The following RBFOX1 variants were observed in gnomAD, a reference collection of about 807,000 sequenced individuals.
The protein encoded by RBFOX1 is RNA binding fox-1 homolog 1.
Under a neutral mutation model 57.7 loss-of-function variants are expected in RBFOX1, and 8 were observed. The observed-to-expected ratio is 0.14, with a 90% CI of 0.08 to 0.25. RBFOX1 has a LOEUF of 0.25. RBFOX1 is among the 10% of genes least tolerant of loss of function. The pLI is 1.00. For synonymous variants in RBFOX1, 326 were observed against 222.4 expected, an observed-to-expected ratio of 1.47 and a Z score of -4.15; for missense variants, 611 against 548.5, an observed-to-expected ratio of 1.11 and a Z score of -1.14.
intron 1 of RBFOX1, among the ~76,000 whole-genome samples, chr16:5,308,223 C>T (rs2151214504): frequency 6.6e-6 from 1 of 152,052 alleles, no homozygotes; most frequent in South Asian, 2.1e-4. Flanking sequence ...CGCCTGTAAT[C>T]CCAGCTACTC....
chr16:6,279,052 G>A (rs1456218936), intron 1 of RBFOX1, among the ~76,000 whole-genome samples: 2 of 152,050 alleles, frequency 1.3e-5, no homozygotes, highest in Non-Finnish European at 2.9e-5. Context: ...GTGAGGTGGT[G>A]ATAAATCATT....
intron 1 of RBFOX1, among the ~76,000 whole-genome samples, chr16:6,088,331 G>A (rs1049171390): frequency 2.6e-5 from 4 of 152,090 alleles, no homozygotes; most frequent in Admixed American, 2.6e-4. Flanking sequence ...TTGTCACACA[G>A]TGTTTATTGC....
Position 6,637,430 on chromosome 16 carries a change from T to TATATTATATAATATATAAATA in RBFOX1, c.-63-17173_-63-17172insATATTATATAATATATAAATA, listed in dbSNP as rs1555636558. Among the ~76,000 whole-genome samples, 35 of 23,518 alleles carry TATATTATATAATATATAAATA rather than the reference T, an allele frequency of 1.5e-3. 4 individuals are homozygous for TATATTATATAATATATAAATA. The highest frequency in any genetic ancestry group is 4.0e-3 in the South Asian group (2 of 504). The allele number at this position is 23,518 out of a possible 152,430, so 15.4% of individuals were successfully genotyped here. On this transcript the variant is annotated intron_variant, in intron 2 of 15. Coordinates refer to ENST00000550418, the MANE Select transcript of RBFOX1 (RefSeq NM_018723.4). ...ATATATTATATAATATATAAATATA[T>TATATTATATAATATATAAATA]TATATAAATATATGTAAATGTATAT...
chr16:6,841,354 C>G (rs1283269012), intron 3 of RBFOX1, among the ~76,000 whole-genome samples: 1 of 151,826 alleles, frequency 6.6e-6, no homozygotes, highest in East Asian at 1.9e-4. Context: ...GAATGTTAGA[C>G]AGGAATAAAG....
chr16:7,459,209 C>G (rs914034028), intron 4 of RBFOX1, among the ~76,000 whole-genome samples: 2 of 151,962 alleles, frequency 1.3e-5, no homozygotes, highest in African/African-American at 4.8e-5. Flanking sequence ...AGAATTTGGC[C>G]TTGGGTTTTA....
At chr16:5,937,912 T>C (rs567583315) in intron 4 of RBFOX1, among the ~76,000 whole-genome samples, 3 of 152,096 alleles carry the variant, frequency 2.0e-5, no homozygotes, top group African/African-American at 4.8e-5. Flanking sequence ...AGTTGACTTA[T>C]TTCTTATCGA....
chr16:5,381,006 CG>C (rs1325539665), intron 1 of RBFOX1, among the ~76,000 whole-genome samples: 1 of 152,134 alleles, frequency 6.6e-6, no homozygotes, highest in Non-Finnish European at 1.5e-5. Flanking sequence ...CAATCAGTGG[CG>C]GAAAGCATGG....
chr16:7,595,983 T>C (rs1055073796), intron 8 of RBFOX1, among the ~76,000 whole-genome samples: 1 of 151,646 alleles, frequency 6.6e-6, no homozygotes, highest in Admixed American at 6.6e-5. Flanking sequence ...CCAAACAAAA[T>C]ACAGAACAGT....
intron 3 of RBFOX1, among the ~76,000 whole-genome samples, chr16:6,683,534 C>A (rs548336337): frequency 7.9e-5 from 12 of 152,002 alleles, no homozygotes; most frequent in African/African-American, 2.9e-4. Context: ...ATGTATATAG[C>A]TTTTGTTTTG....
At chr16:6,329,427 C>G (rs758535060) in intron 2 of RBFOX1, among the ~76,000 whole-genome samples, 2 of 152,156 alleles carry the variant, frequency 1.3e-5, no homozygotes, top group Non-Finnish European at 2.9e-5. Context: ...TGAATTCCAC[C>G]CATCTCAACT....
At chr16:5,930,673 C>T (rs1253491633) in intron 4 of RBFOX1, among the ~76,000 whole-genome samples, 1 of 15,110 alleles carries the variant, frequency 6.6e-5, no homozygotes, top group Non-Finnish European at 1.2e-4. Context: ...TAGGTGGGCA[C>T]ATGGGTAAGT....
At chr16:7,255,263 T>G (rs2094631624) in intron 4 of RBFOX1, among the ~76,000 whole-genome samples, 1 of 152,222 alleles carries the variant, frequency 6.6e-6, no homozygotes. Context: ...AAAAATTGCC[T>G]GACCTTAAAC....
intron 2 of RBFOX1, among the ~76,000 whole-genome samples, chr16:6,487,752 T>TAAA (rs371746051): frequency 9.8e-6 from 1 of 102,036 alleles, no homozygotes; most frequent in African/African-American, 4.1e-5. Context: ...TATATATATA[T>TAAA]ATAAAATATT....
chr16:7,505,025 G>A (rs763167387), intron 4 of RBFOX1, among the ~76,000 whole-genome samples: 15 of 150,838 alleles, frequency 9.9e-5, no homozygotes, highest in Admixed American at 8.6e-4. Context: ...TTTCAGTAAT[G>A]CAGGGCAACG....
intron 2 of RBFOX1, among the ~76,000 whole-genome samples, chr16:6,616,952 C>T (rs553150109): frequency 7.9e-5 from 12 of 152,284 alleles, no homozygotes; most frequent in East Asian, 3.9e-4. Flanking sequence ...CTTCCTGCCA[C>T]GACAGCAGAG....
chr16:6,821,773 TG>T lies in RBFOX1; in HGVS notation c.-16+167124del, dbSNP rs531914472. Among the ~76,000 whole-genome samples the T allele has an allele frequency of 3.3e-5, 5 of 152,352 alleles. No individual in the cohort carries two copies. The South Asian group carries it at 8.3e-4, about 25-fold the overall frequency. On this transcript the variant is annotated intron_variant, in intron 3 of 15. Transcript: ENST00000550418. The stretch of plus-strand genomic sequence containing the variant: ...TGTAGAAATGAACCAATTTTTTCAT[TG>T]ATAGACATTTGGGTTGTTTCCATTT...
intron 3 of RBFOX1, among the ~76,000 whole-genome samples, chr16:5,816,122 AT>A (rs1193892490): frequency 1.3e-5 from 2 of 152,056 alleles, no homozygotes; most frequent in Non-Finnish European, 2.9e-5. Context: ...ATTAGTTCCA[AT>A]TTGCAAACAG....
chr16:5,308,909 C>T (rs987878992), intron 1 of RBFOX1, among the ~76,000 whole-genome samples: 7 of 152,126 alleles, frequency 4.6e-5, no homozygotes, highest in Admixed American at 1.3e-4. Context: ...GTGTTTTCAG[C>T]TCTGTGTTTC....
At position 7,705,312 on chromosome 16, in the gene RBFOX1, G is replaced by A. The variant is rs567653415; in HGVS notation, c.996-3744G>A. ...ACGAGGTCAGGAGATCAAAACCATC[G>A]TGGCTAACACAGTGAAGCCCCATAT... On this transcript the variant is annotated intron_variant, in intron 14 of 15. Transcript: ENST00000550418. Among the ~76,000 whole-genome samples the A allele has an allele frequency of 6.6e-5, 10 of 152,116 alleles. No homozygotes were observed. In the East Asian group the frequency reaches 9.7e-4, roughly 15 times the overall value.
Sources: allele counts gnomAD v4.1 joint callset (sites outside exome capture counted in the v4.1 genomes callset), GRCh38; gene constraint gnomAD v4.1.1; transcripts MANE v1.5; gene names NCBI Gene and HGNC (gene_info 2026-07-23, HGNC 2026-07-21).